THOC2: variants seen among roughly 807,000 people sequenced by gnomAD.
The protein encoded by THOC2 is THO complex subunit 2.
In THOC2, 10 loss-of-function variants were observed where a neutral mutation model predicts 128.4. The observed-to-expected ratio is 0.08, with a 90% CI of 0.05 to 0.13. The LOEUF (loss-of-function observed/expected upper bound fraction) is 0.13. Among genes scored for constraint, THOC2 ranks in the 10% least tolerant of loss-of-function variants. The probability of loss-of-function intolerance (pLI) is 1.00; values close to 1 mark genes in which losing one functional copy is unlikely to be tolerated. For synonymous variants in THOC2, 393 were observed against 396.9 expected, an observed-to-expected ratio of 0.99 and a Z score of 0.12; for missense variants, 535 against 1,155.7, an observed-to-expected ratio of 0.46 and a Z score of 7.79.
At position 123,672,608 on chromosome X, in the gene THOC2, C is replaced by A. The variant is rs769169033; in HGVS notation, c.769-847G>T. On this transcript the variant is annotated intron_variant, in intron 8 of 38. Transcript: ENST00000245838. ...GTATATCTGGCTGTCAGCTGATGTT[C>A]TCCACAAAACAGGTGTACATAAATA... Among the ~76,000 whole-genome samples the A allele has an allele frequency of 8.9e-5, 10 of 111,819 alleles. No homozygotes were observed. The South Asian group carries it at 2.2e-3, about 25-fold the overall frequency.
intron 38 of THOC2, among the ~76,000 whole-genome samples, chrX:123,605,248 G>C (rs190461420): frequency 1.2e-3 from 135 of 111,409 alleles, no homozygotes; most frequent in African/African-American, 4.1e-3. Flanking sequence ...TTTTATAAGT[G>C]CTCATGCCCA....
At chrX:123,649,352 A>C (rs781035445) in intron 12 of THOC2, among the ~76,000 whole-genome samples, 12 of 111,960 alleles carry the variant, frequency 1.1e-4, no homozygotes, top group African/African-American at 3.6e-4. Context: ...TGAGAAAAAA[A>C]CAGCACAAAA....
chrX:123,620,300 A>G (rs1225890245), intron 32 of THOC2: 2 of 111,798 alleles, frequency 1.8e-5, no homozygotes, highest in African/African-American at 3.3e-5. Flanking sequence ...TCGTAACGCA[A>G]GGTTCAACTT....
chrX:123,631,945 T>C (rs1430733083), intron 21 of THOC2, 93 bp from the exon 22 acceptor site: 5 of 881,570 alleles, frequency 5.7e-6, no homozygotes, highest in South Asian at 5.0e-5. Flanking sequence ...ATCCAAATTT[T>C]ATAACTTAAA....
At chrX:123,678,712 C>T (rs192667917) in intron 8 of THOC2, among the ~76,000 whole-genome samples, 1 of 110,638 alleles carries the variant, frequency 9.0e-6, no homozygotes, top group East Asian at 2.8e-4. Context: ...TAATCTTATG[C>T]AACCACCGTC....
At chrX:123,656,447 ACCT>A (rs1335147385) in intron 12 of THOC2, among the ~76,000 whole-genome samples, 2 of 109,511 alleles carry the variant, frequency 1.8e-5, no homozygotes, top group African/African-American at 6.7e-5. Flanking sequence ...GGTGTTTGAC[ACCT>A]GTAATCTCAG....
At chrX:123,647,532 T>C (rs939683043) in intron 12 of THOC2, among the ~76,000 whole-genome samples, 1 of 110,938 alleles carries the variant, frequency 9.0e-6, no homozygotes, top group Non-Finnish European at 1.9e-5. Flanking sequence ...AGGCACCTCT[T>C]GAAGATCAAA....
At chrX:123,642,758 G>A (rs896238144) in intron 15 of THOC2, among the ~76,000 whole-genome samples, 13 of 108,162 alleles carry the variant, frequency 1.2e-4, no homozygotes, top group African/African-American at 4.4e-4. Flanking sequence ...ATATAAGAGG[G>A]GGATAATATA....
At chrX:123,634,169 G>T in intron 19 of THOC2, 99 bp from the exon 20 acceptor site, 1 of 437,723 alleles carries the variant, frequency 2.3e-6, no homozygotes, top group Non-Finnish European at 3.7e-6. Context: ...TTAATTATTT[G>T]TATATAAATA....
intron 32 of THOC2, 146 bp downstream of exon 32, chrX:123,620,761 A>G (rs1393150339): frequency 1.8e-5 from 9 of 489,733 alleles, no homozygotes; most frequent in African/African-American, 7.3e-5. Context: ...CAGTCCACCA[A>G]TATAGAAAAA....
chrX:123,667,058 CCTAAG>C, intron 11 of THOC2, 43 bp downstream of exon 11: 1 of 935,489 alleles, frequency 1.1e-6, no homozygotes, highest in Non-Finnish European at 1.5e-6. Context: ...TTGTTGTAGT[CCTAAG>C]CTATTTCTAC....
intron 17 of THOC2, 48 bp downstream of exon 17, chrX:123,638,886 T>C: frequency 4.0e-6 from 3 of 751,177 alleles, no homozygotes; most frequent in Non-Finnish European, 3.9e-6. Context: ...GTTTACCATA[T>C]GATCTATTAA....
intron 8 of THOC2, among the ~76,000 whole-genome samples, chrX:123,671,997 G>A (rs2049296629): frequency 8.9e-6 from 1 of 112,163 alleles, no homozygotes. Flanking sequence ...TTCAAAAACG[G>A]ACACAATTTA....
chrX:123,699,667 G>C (rs1054427142), intron 4 of THOC2, among the ~76,000 whole-genome samples: 1 of 111,340 alleles, frequency 9.0e-6, no homozygotes, highest in Non-Finnish European at 1.9e-5. Context: ...CCTAAGAACA[G>C]GGGCACTGGA....
intron 22 of THOC2, among the ~76,000 whole-genome samples, chrX:123,629,246 C>CACACAT (rs941408462): frequency 1.3e-4 from 13 of 102,034 alleles, no homozygotes; most frequent in South Asian, 4.3e-4. Context: ...CACACACACA[C>CACACAT]ATATATATGA....
intron 12 of THOC2, among the ~76,000 whole-genome samples, chrX:123,664,630 C>T (rs957091451): frequency 3.6e-5 from 4 of 111,897 alleles, no homozygotes; most frequent in Non-Finnish European, 5.6e-5. Context: ...ATCAGAGAAA[C>T]GCAAATCAAA....
intron 38 of THOC2, among the ~76,000 whole-genome samples, chrX:123,605,583 C>A (rs1237847479): frequency 9.0e-6 from 1 of 110,604 alleles, no homozygotes. Context: ...AGTATAGGTT[C>A]CCTTCCTATA....
At chrX:123,705,258 T>C (rs1363350246) in intron 3 of THOC2, among the ~76,000 whole-genome samples, 2 of 111,722 alleles carry the variant, frequency 1.8e-5, no homozygotes, top group South Asian at 3.8e-4. Context: ...AACACACATA[T>C]ATAAAATTCA....
chrX:123,611,362 A>C (rs1182705966), intron 37 of THOC2, 78 bp downstream of exon 37: 1 of 774,255 alleles, frequency 1.3e-6, no homozygotes, highest in Non-Finnish European at 1.9e-6. Context: ...CCACATACTA[A>C]AAGAGTACAA....
Sources: allele counts gnomAD v4.1 joint callset (sites outside exome capture counted in the v4.1 genomes callset), GRCh38; gene constraint gnomAD v4.1.1; transcripts MANE v1.5; gene names NCBI Gene and HGNC (gene_info 2026-07-23, HGNC 2026-07-21).